ZNF804A: variants seen among roughly 807,000 people sequenced by gnomAD.
ZNF804A encodes zinc finger protein 804A.
In ZNF804A, 2 loss-of-function variants were observed where a neutral mutation model predicts 16.5. The observed-to-expected ratio is 0.12, with a 90% CI of 0.05 to 0.38. The LOEUF (loss-of-function observed/expected upper bound fraction) is 0.38, where lower values mean the gene tolerates loss of function less well. Among genes scored for constraint, ZNF804A ranks in the 10% least tolerant of loss-of-function variants. The pLI is 0.99. For missense variants in ZNF804A, 1,473 were observed against 1,390.7 expected, an observed-to-expected ratio of 1.06 and a Z score of -0.94; for synonymous variants, 534 against 489.6, an observed-to-expected ratio of 1.09 and a Z score of -1.20.
At chr2:184,691,234 G>C (rs1277510820) in intron 1 of ZNF804A, among the ~76,000 whole-genome samples, 1 of 151,824 alleles carries the variant, frequency 6.6e-6, no homozygotes, top group Non-Finnish European at 1.5e-5. Context: ...ATTTTGCTCT[G>C]ATCTTTCAAC....
chr2:184,762,254 T>C (rs1285814247), intron 1 of ZNF804A, among the ~76,000 whole-genome samples: 5 of 151,574 alleles, frequency 3.3e-5, no homozygotes, highest in African/African-American at 1.2e-4. Flanking sequence ...ATTCAACAAA[T>C]TTTTATCAAG....
intron 1 of ZNF804A, among the ~76,000 whole-genome samples, chr2:184,648,311 T>C (rs1473123452): frequency 3.9e-5 from 6 of 151,998 alleles, no homozygotes; most frequent in African/African-American, 1.4e-4. Flanking sequence ...AAGAACACAA[T>C]TAAATACATA....
At chr2:184,600,058 T>A (rs1477690953) in intron 1 of ZNF804A, among the ~76,000 whole-genome samples, 1 of 152,182 alleles carries the variant, frequency 6.6e-6, no homozygotes, top group African/African-American at 2.4e-5. Context: ...AAGTCCATGT[T>A]TATTAGCAAG....
At chr2:184,917,907 T>G (rs1410012903) in intron 2 of ZNF804A, among the ~76,000 whole-genome samples, 1 of 152,100 alleles carries the variant, frequency 6.6e-6, no homozygotes, top group Non-Finnish European at 1.5e-5. Flanking sequence ...ATTGCCAGTA[T>G]TTACAAATGC....
chr2:184,897,915 A>G (rs909419184), intron 2 of ZNF804A, among the ~76,000 whole-genome samples: 22 of 152,080 alleles, frequency 1.4e-4, no homozygotes, highest in African/African-American at 5.1e-4. Context: ...TTCTTCCAGG[A>G]GCCCTGATGA....
At chr2:184,864,708 A>G (rs967756877) in intron 1 of ZNF804A, among the ~76,000 whole-genome samples, 2 of 152,128 alleles carry the variant, frequency 1.3e-5, no homozygotes, top group African/African-American at 4.8e-5. Flanking sequence ...TATTGTAGAA[A>G]CAATTTAAAC....
intron 1 of ZNF804A, among the ~76,000 whole-genome samples, chr2:184,601,155 T>C (rs1034652434): frequency 2.6e-5 from 4 of 152,088 alleles, no homozygotes; most frequent in Non-Finnish European, 5.9e-5. Flanking sequence ...TGAATATATT[T>C]GAAACTACTG....
intron 1 of ZNF804A, among the ~76,000 whole-genome samples, chr2:184,614,649 A>G (rs1691291551): frequency 6.6e-6 from 1 of 152,160 alleles, no homozygotes; most frequent in African/African-American, 2.4e-5. Context: ...TAAATAAAAA[A>G]TAAAAATTAC....
chr2:184,882,000 T>C (rs996934648), intron 2 of ZNF804A, among the ~76,000 whole-genome samples: 3 of 152,080 alleles, frequency 2.0e-5, no homozygotes, highest in East Asian at 3.9e-4. Flanking sequence ...AAATTGTAAG[T>C]TGGATAAAAA....
At chr2:184,729,153 A>G (rs1342931451) in intron 1 of ZNF804A, among the ~76,000 whole-genome samples, 1 of 151,838 alleles carries the variant, frequency 6.6e-6, no homozygotes, top group Non-Finnish European at 1.5e-5. Flanking sequence ...GTATATACTA[A>G]AATTACCAAA....
intron 1 of ZNF804A, among the ~76,000 whole-genome samples, chr2:184,654,549 C>T (rs1692044422): frequency 6.6e-6 from 1 of 151,970 alleles, no homozygotes; most frequent in African/African-American, 2.4e-5. Context: ...GTCTCAGTGC[C>T]CCCTTTTAGT....
chr2:184,779,652 TGGTTATTGCTGGATTTGGAGATGG>T (rs1265928172), intron 1 of ZNF804A, among the ~76,000 whole-genome samples: 5 of 151,682 alleles, frequency 3.3e-5, no homozygotes, highest in Non-Finnish European at 5.9e-5. Context: ...AATGCTTGAA[TGGTTATTGCTGGATTTGGAGATGG>T]GAAGGAGCTA....
intron 1 of ZNF804A, among the ~76,000 whole-genome samples, chr2:184,658,562 A>G (rs2105704764): frequency 6.6e-6 from 1 of 152,182 alleles, no homozygotes; most frequent in East Asian, 1.9e-4. Flanking sequence ...TATTTAGACT[A>G]TGGAGGAGAA....
At chr2:184,667,067 T>C (rs1369956616) in intron 1 of ZNF804A, among the ~76,000 whole-genome samples, 2 of 151,992 alleles carry the variant, frequency 1.3e-5, no homozygotes, top group Non-Finnish European at 2.9e-5. Flanking sequence ...TAAATTTATT[T>C]TGTGGAATGT....
intron 1 of ZNF804A, among the ~76,000 whole-genome samples, chr2:184,761,902 G>A (rs966907261): frequency 2.0e-5 from 3 of 152,056 alleles, no homozygotes; most frequent in African/African-American, 7.2e-5. Context: ...ATGAGCTTTT[G>A]AGCCTAGAAA....
intron 1 of ZNF804A, among the ~76,000 whole-genome samples, chr2:184,860,376 G>A (rs1695780347): frequency 6.6e-6 from 1 of 152,228 alleles, no homozygotes; most frequent in Non-Finnish European, 1.5e-5. Flanking sequence ...GTGCCAACTT[G>A]GCATTAGGGC....
chr2:184,716,668 CTT>C (rs951671366), intron 1 of ZNF804A, among the ~76,000 whole-genome samples: 1 of 151,926 alleles, frequency 6.6e-6, no homozygotes, highest in African/African-American at 2.4e-5. Flanking sequence ...GAGTGAATAA[CTT>C]TTAGTTATTT....
intron 1 of ZNF804A, among the ~76,000 whole-genome samples, chr2:184,686,345 A>T (rs1692630915): frequency 1.3e-5 from 2 of 151,752 alleles, no homozygotes; most frequent in South Asian, 2.1e-4. Context: ...TGCAGCCAAC[A>T]TCTTCTCAGT....
At chr2:184,794,829 G>A (rs1694606329) in intron 1 of ZNF804A, among the ~76,000 whole-genome samples, 4 of 150,484 alleles carry the variant, frequency 2.7e-5, no homozygotes, top group Admixed American at 2.0e-4. Flanking sequence ...CATTCAAATG[G>A]ACAACAAAAG....
Sources: allele counts gnomAD v4.1 joint callset (sites outside exome capture counted in the v4.1 genomes callset), GRCh38; gene constraint gnomAD v4.1.1; transcripts MANE v1.5; gene names NCBI Gene and HGNC (gene_info 2026-07-23, HGNC 2026-07-21).